Variants in APLF observed in about 807,000 individuals in gnomAD.
APLF encodes aprataxin and PNK-like factor.
APLF carries 61 observed loss-of-function variants against 55.6 expected under a neutral mutation model. The ratio of observed to expected loss-of-function variants is 1.10; its 90% CI spans 0.89 to 1.36. APLF has a LOEUF of 1.36. APLF is among the 40% of genes most tolerant of loss of function. The pLI, the probability that APLF is intolerant of heterozygous loss-of-function variation, is 0.00. For missense variants in APLF, 611 were observed against 602.5 expected, an observed-to-expected ratio of 1.01 and a Z score of -0.15; for synonymous variants, 207 against 214.8, an observed-to-expected ratio of 0.96 and a Z score of 0.32.
chr2:68,558,304 A>G (rs117613021), intron 8 of APLF, among the ~76,000 whole-genome samples: 2 of 152,172 alleles, frequency 1.3e-5, no homozygotes, highest in Admixed American at 6.6e-5. Flanking sequence ...TTTGGCATAC[A>G]TAGTAAATTG....
chr2:68,547,102 C>T (rs572453318), intron 8 of APLF, among the ~76,000 whole-genome samples: 8 of 151,304 alleles, frequency 5.3e-5, no homozygotes, highest in South Asian at 2.1e-4. Context: ...CAGCATTAAC[C>T]GGTAAGAAAA....
chr2:68,579,264 C>A lies in APLF; in HGVS notation c.*1242C>A. ...TGGAACAAGAATAAGATAAACATTTCTCTAGACTATAACCTATTATTCTGA... is the reference window on the plus strand; with the variant it reads ...TGGAACAAGAATAAGATAAACATTTATCTAGACTATAACCTATTATTCTGA... On this transcript the variant is annotated 3_prime_UTR_variant, in exon 10 of 10. Transcript: ENST00000303795. The A allele has an allele frequency of 1.2e-6, 1 of 836,092 alleles. No homozygotes were observed. Among genetic ancestry groups the A allele is most frequent in the Non-Finnish European group, 1.4e-6 (1 of 694,184 alleles). 51.8% of individuals were successfully genotyped at this position (836,092 alleles called of 1,614,324 possible).
intron 8 of APLF, 125 bp downstream of exon 8, chr2:68,545,437 A>T: frequency 8.2e-7 from 1 of 1,217,604 alleles, no homozygotes; most frequent in Non-Finnish European, 1.1e-6. Context: ...TCTGTAGATT[A>T]CAGGTTTTCA....
At chr2:68,492,964 G>T (rs1024706414) in intron 2 of APLF, among the ~76,000 whole-genome samples, 4 of 152,064 alleles carry the variant, frequency 2.6e-5, no homozygotes, top group African/African-American at 9.7e-5. Flanking sequence ...TGACAACTTA[G>T]AATGTCATAG....
chr2:68,557,906 A>C (rs1671058389), intron 8 of APLF, among the ~76,000 whole-genome samples: 1 of 149,180 alleles, frequency 6.7e-6, no homozygotes, highest in Admixed American at 6.7e-5. Context: ...ATGAGACTCC[A>C]TCTGAAAAAA....
chr2:68,528,140 C>T lies in APLF; in HGVS notation c.804+1898C>T, dbSNP rs537177840. On this transcript the variant is annotated intron_variant, in intron 6 of 9. Coordinates refer to ENST00000303795, the MANE Select transcript of APLF (RefSeq NM_173545.3). Reference sequence around the variant, plus strand: ...GGTGCTCCTCACTTCCCAGATGGTGCAGGCAGAGATGCTCCTCAGGTCTCA... The same window carrying T: ...GGTGCTCCTCACTTCCCAGATGGTGTAGGCAGAGATGCTCCTCAGGTCTCA... The T allele has an allele frequency of 7.6e-4, 460 of 602,436 alleles. 6 individuals are homozygous for T. In the South Asian group the frequency reaches 8.6e-3, roughly 11 times the overall value. 37.3% of individuals were successfully genotyped at this position (602,436 alleles called of 1,614,324 possible). A position where few individuals can be genotyped will look rare whatever the true frequency, so the allele number is the denominator to read the frequency against.
chr2:68,561,951 T>C (rs1671177801), intron 8 of APLF, among the ~76,000 whole-genome samples: 1 of 152,086 alleles, frequency 6.6e-6, no homozygotes, highest in South Asian at 2.1e-4. Flanking sequence ...ATGAGAATTT[T>C]AAACTTCTGG....
At position 68,578,087 on chromosome 2, in the gene APLF, A is replaced by G; in HGVS notation, c.*65A>G. 1.3e-6 allele frequency: 2 copies of G among 1,535,204 alleles called. No homozygotes were observed. Among genetic ancestry groups the G allele is most frequent in the Non-Finnish European group, 1.7e-6 (2 of 1,143,342 alleles). On this transcript the variant is annotated 3_prime_UTR_variant, in exon 10 of 10. Coordinates refer to ENST00000303795, the MANE Select transcript of APLF (RefSeq NM_173545.3). ...TTTCTTTGTGGGAAAACATTTATGA[A>G]CTAAGGAGGTACTTAAGTGACAGTT...
chr2:68,472,790 A>C (rs1228294682), intron 1 of APLF, among the ~76,000 whole-genome samples: 1 of 152,168 alleles, frequency 6.6e-6, no homozygotes, highest in African/African-American at 2.4e-5. Flanking sequence ...TGGGATGATC[A>C]CATTATGTCA....
At chr2:68,557,522 G>A (rs547814230) in intron 8 of APLF, among the ~76,000 whole-genome samples, 2 of 152,298 alleles carry the variant, frequency 1.3e-5, no homozygotes, top group African/African-American at 4.8e-5. Context: ...ATTTCATGAA[G>A]CAAAAATAAA....
intron 4 of APLF, 38 bp from the exon 5 acceptor site, chr2:68,513,510 G>A (rs1210139286): frequency 6.2e-7 from 1 of 1,601,430 alleles, no homozygotes; most frequent in Non-Finnish European, 8.5e-7. Flanking sequence ...CATTCAAGAT[G>A]TGTGATTATT....
intron 7 of APLF, among the ~76,000 whole-genome samples, chr2:68,539,846 A>G (rs990613726): frequency 6.6e-6 from 1 of 152,166 alleles, no homozygotes; most frequent in South Asian, 2.1e-4. Context: ...ACTAACCAGT[A>G]TGTCTGCTAT....
rs915925554 is a variant in APLF at position 68,467,641 on chromosome 2, C to T, written c.-91C>T. On this transcript the variant is annotated 5_prime_UTR_variant, in exon 1 of 10. Coordinates refer to ENST00000303795, the MANE Select transcript of APLF (RefSeq NM_173545.3). ...GAGGCCCTCCCTCGGTGTTTTTTCCCAGGGCGTGGGCTTGCCCCGCGCGTG... is the reference window on the plus strand; with the variant it reads ...GAGGCCCTCCCTCGGTGTTTTTTCCTAGGGCGTGGGCTTGCCCCGCGCGTG... 1.4e-5 allele frequency: 15 copies of T among 1,097,244 alleles called. No individual in the cohort carries two copies. Among genetic ancestry groups the T allele is most frequent in the Non-Finnish European group, 1.6e-5 (14 of 863,226 alleles). The allele number at this position is 1,097,244 out of a possible 1,614,324, so 68.0% of individuals were successfully genotyped here. A position where few individuals can be genotyped will look rare whatever the true frequency, so the allele number is the denominator to read the frequency against.
intron 6 of APLF, chr2:68,535,515 T>C (rs1670362339): frequency 5.6e-6 from 1 of 177,418 alleles, no homozygotes; most frequent in Admixed American, 6.5e-5. Context: ...AAAAATATCT[T>C]TAGGTGTGTC....
In APLF at chr2:68,512,869, G is replaced by A. The variant is rs150429152; in HGVS notation, c.342-211G>A. Among the ~76,000 whole-genome samples the A allele has an allele frequency of 4.0e-3, 603 of 151,702 alleles. 4 individuals are homozygous for A. The highest frequency in any genetic ancestry group is 5.9e-3 in the Non-Finnish European group (398 of 67,734). On this transcript the variant is annotated intron_variant, in intron 3 of 9. Coordinates refer to ENST00000303795, the MANE Select transcript of APLF (RefSeq NM_173545.3). ...TCTCAAAAATAATTGTGGTTTCTAGGCCCATGATTTGGAAAGATTGATGTA... is the reference window on the plus strand; with the variant it reads ...TCTCAAAAATAATTGTGGTTTCTAGACCCATGATTTGGAAAGATTGATGTA...
intron 3 of APLF, among the ~76,000 whole-genome samples, chr2:68,509,500 A>T (rs1462992899): frequency 6.6e-6 from 1 of 152,174 alleles, no homozygotes; most frequent in African/African-American, 2.4e-5. Flanking sequence ...GAGAAATGCA[A>T]GTCAAAACCA....
intron 1 of APLF, among the ~76,000 whole-genome samples, chr2:68,489,048 G>A (rs1445695043): frequency 1.3e-5 from 2 of 151,622 alleles, no homozygotes; most frequent in African/African-American, 2.4e-5. Flanking sequence ...TGAAACAATA[G>A]ATTATTAGTT....
chr2:68,472,305 C>T lies in APLF; in HGVS notation c.96+4478C>T, dbSNP rs181485522. ...AATTCTCTATAGAATGTGGGTTTTTCCCACAAGAGACTTTGCAGGACAGTT... is the reference window on the plus strand; with the variant it reads ...AATTCTCTATAGAATGTGGGTTTTTTCCACAAGAGACTTTGCAGGACAGTT... On this transcript the variant is annotated intron_variant, in intron 1 of 9. Coordinates refer to ENST00000303795, the MANE Select transcript of APLF (RefSeq NM_173545.3). Among the ~76,000 whole-genome samples the T allele has an allele frequency of 2.6e-5, 4 of 152,170 alleles. No homozygotes were observed. In the East Asian group the frequency reaches 7.7e-4, roughly 29 times the overall value.
At chr2:68,538,303 A>G in intron 7 of APLF, 76 bp downstream of exon 7, 1 of 1,333,842 alleles carries the variant, frequency 7.5e-7, no homozygotes. Flanking sequence ...GCTACAGTAT[A>G]TTAAAAACTT....
Sources: gnomAD v4.1 joint callset for allele counts (sites outside exome capture counted in the v4.1 genomes callset) on GRCh38, gnomAD v4.1.1 for gene constraint, MANE v1.5 for transcripts, NCBI Gene and HGNC (gene_info 2026-07-23, HGNC 2026-07-21) for gene names.